Variants in PRKCQ observed in about 807,000 individuals in gnomAD.
PRKCQ encodes protein kinase C theta type.
PRKCQ carries 41 observed loss-of-function variants against 91.2 expected under a neutral mutation model. The observed-to-expected ratio is 0.45, with a 90% confidence interval of 0.35 to 0.58. The LOEUF (loss-of-function observed/expected upper bound fraction) is 0.58, where lower values mean the gene tolerates loss of function less well. Among genes scored for constraint, PRKCQ ranks in the 20% least tolerant of loss-of-function variants. The pLI is 0.00. For synonymous variants in PRKCQ, 307 were observed against 316.9 expected (o/e 0.97, Z 0.33); for missense variants, 673 against 896.5 (o/e 0.75, Z 3.18).
At chr10:6,568,724 T>C (rs917887137) in intron 1 of PRKCQ, among the ~76,000 whole-genome samples, 4 of 152,128 alleles carry the variant, frequency 2.6e-5, no homozygotes, top group African/African-American at 9.7e-5. Flanking sequence ...GGTCTCAATC[T>C]CCTGACCTCG....
chr10:6,419,781 T>C, the PRKCQ span, among the ~76,000 whole-genome samples: 1 of 146,338 alleles, frequency 6.8e-6, no homozygotes, highest in Non-Finnish European at 1.5e-5. Context: ...CTCCACCTCC[T>C]GGGTTCAAGT....
intron 8 of PRKCQ, among the ~76,000 whole-genome samples, chr10:6,490,892 G>GT (rs71391842): frequency 0.33 from 48,407 of 148,892 alleles, 9,508 homozygotes; most frequent in South Asian, 0.51. Context: ...GTTCTTGAGG[G>GT]TTTTTTTTTT....
downstream of PRKCQ, among the ~76,000 whole-genome samples, chr10:6,426,964 G>A (rs150597816): frequency 3.3e-3 from 501 of 152,256 alleles, 2 homozygotes; most frequent in African/African-American, 0.012. Flanking sequence ...TCGAACTCCT[G>A]ACCTTAGGTG....
At chr10:6,565,021 A>G (rs1485284471) in intron 1 of PRKCQ, among the ~76,000 whole-genome samples, 1 of 152,266 alleles carries the variant, frequency 6.6e-6, no homozygotes, top group Non-Finnish European at 1.5e-5. Context: ...CAAAAGACTA[A>G]GAAAATGTGG....
At chr10:6,536,146 C>A (rs1265373782) in intron 1 of PRKCQ, among the ~76,000 whole-genome samples, 1 of 152,172 alleles carries the variant, frequency 6.6e-6, no homozygotes, top group African/African-American at 2.4e-5. Flanking sequence ...ACATGATCAC[C>A]TGTGAGGGCA....
chr10:6,405,088 C>A, the PRKCQ span, among the ~76,000 whole-genome samples: 1 of 152,026 alleles, frequency 6.6e-6, no homozygotes, highest in East Asian at 1.9e-4. Context: ...CACAAGTGAT[C>A]TTCCAACCTC....
At chr10:6,498,302 A>AC (rs1179114489) in intron 5 of PRKCQ, 94 bp downstream of exon 5, 3 of 1,463,738 alleles carry the variant, frequency 2.0e-6, no homozygotes, top group African/African-American at 2.8e-5. Flanking sequence ...ACTCCAGCAC[A>AC]CCCCCCACAG....
intron 13 of PRKCQ, among the ~76,000 whole-genome samples, chr10:6,463,229 CAAGGTTA>C (rs574554644): frequency 6.6e-6 from 1 of 152,120 alleles, no homozygotes; most frequent in South Asian, 2.1e-4. Context: ...TCAATGGTGA[CAAGGTTA>C]AAGGAAATGA....
At chr10:6,494,128 G>A (rs1024982480) in intron 7 of PRKCQ, among the ~76,000 whole-genome samples, 1 of 152,046 alleles carries the variant, frequency 6.6e-6, no homozygotes, top group African/African-American at 2.4e-5. Flanking sequence ...ACTCCATGGG[G>A]GACACATGCA....
intron 14 of PRKCQ, among the ~76,000 whole-genome samples, chr10:6,460,263 G>C (rs937078874): frequency 6.6e-6 from 1 of 151,158 alleles, no homozygotes; most frequent in Non-Finnish European, 1.5e-5. Context: ...GGTACAATTT[G>C]TTGTGATAGT....
chr10:6,538,784 T>C (rs1159951805), intron 1 of PRKCQ, among the ~76,000 whole-genome samples: 2 of 152,304 alleles, frequency 1.3e-5, no homozygotes, highest in East Asian at 3.9e-4. Context: ...GACTTTGAAT[T>C]TATTTATTCA....
chr10:6,545,574 C>T (rs1039969318), intron 1 of PRKCQ, among the ~76,000 whole-genome samples: 6 of 152,196 alleles, frequency 3.9e-5, no homozygotes, highest in East Asian at 1.9e-4. Context: ...TTGTGGCTCC[C>T]GGGAACTTGG....
chr10:6,477,792 C>T (rs376503718), intron 12 of PRKCQ, among the ~76,000 whole-genome samples: 62 of 152,212 alleles, frequency 4.1e-4, no homozygotes, highest in African/African-American at 7.7e-4. Flanking sequence ...CACTTGAACC[C>T]GGGAGGCGGA....
intron 14 of PRKCQ, among the ~76,000 whole-genome samples, chr10:6,458,637 C>T (rs1015854437): frequency 4.6e-5 from 7 of 152,078 alleles, no homozygotes; most frequent in Non-Finnish European, 8.8e-5. Context: ...AGCATTACGG[C>T]CGGCTGGCTC....
intron 1 of PRKCQ, among the ~76,000 whole-genome samples, chr10:6,567,849 C>T (rs554810904): frequency 3.7e-4 from 57 of 152,138 alleles, no homozygotes; most frequent in Middle Eastern, 3.4e-3. Flanking sequence ...TGAATGCTTT[C>T]ATTTATTTTG....
intron 3 of PRKCQ, 31 bp downstream of exon 3, chr10:6,510,964 C>T: frequency 6.2e-7 from 1 of 1,612,412 alleles, no homozygotes. Flanking sequence ...CATGCTTATC[C>T]CTTATGTGCA....
chr10:6,577,230 A>C (rs1841274470), intron 1 of PRKCQ, among the ~76,000 whole-genome samples: 3 of 152,208 alleles, frequency 2.0e-5, no homozygotes, highest in Admixed American at 2.0e-4. Context: ...TGTCCCCAAG[A>C]ATGTGTTTAG....
At chr10:6,569,270 T>A (rs1421636173) in intron 1 of PRKCQ, among the ~76,000 whole-genome samples, 6 of 151,890 alleles carry the variant, frequency 4.0e-5, no homozygotes, top group Non-Finnish European at 8.8e-5. Context: ...CAAGTCCTGA[T>A]GTGGAGGATC....
intron 1 of PRKCQ, among the ~76,000 whole-genome samples, chr10:6,526,649 A>C (rs1478259224): frequency 6.6e-6 from 1 of 152,030 alleles, no homozygotes; most frequent in East Asian, 1.9e-4. Flanking sequence ...ACGTTCTGGG[A>C]AGGCGGATGG....
Sources: gnomAD v4.1 joint callset for allele counts (sites outside exome capture counted in the v4.1 genomes callset) on GRCh38, gnomAD v4.1.1 for gene constraint, MANE v1.5 for transcripts, NCBI Gene and HGNC (gene_info 2026-07-23, HGNC 2026-07-21) for gene names.